GRAMD1B: variants seen among roughly 807,000 people sequenced by gnomAD.
GRAMD1B encodes protein Aster-B.
Under a neutral mutation model 99.7 loss-of-function variants are expected in GRAMD1B, and 37 were observed. The ratio of observed to expected loss-of-function variants is 0.37; its 90% CI spans 0.29 to 0.49. The LOEUF (loss-of-function observed/expected upper bound fraction) is 0.49, where lower values mean the gene tolerates loss of function less well. GRAMD1B is among the 20% of genes least tolerant of loss of function. GRAMD1B has a pLI of 0.98. For synonymous variants in GRAMD1B, 427 were observed against 387.6 expected (o/e 1.10, Z -1.19); for missense variants, 888 against 1,009.2 (o/e 0.88, Z 1.63).
At chr11:123,565,181 T>C (rs1197027641) in intron 2 of GRAMD1B, among the ~76,000 whole-genome samples, 1 of 151,038 alleles carries the variant, frequency 6.6e-6, no homozygotes, top group African/African-American at 2.4e-5. Context: ...TACAGGCATC[T>C]GCCAGCACGC....
At chr11:123,397,190 G>A (rs778412950) in intron 1 of GRAMD1B, among the ~76,000 whole-genome samples, 55 of 152,236 alleles carry the variant, frequency 3.6e-4, no homozygotes, top group South Asian at 6.2e-4. Context: ...GATCACCTGA[G>A]GTCAGGAGTT....
chr11:123,524,762 A>C (rs4936822), intron 2 of GRAMD1B, among the ~76,000 whole-genome samples: 1 of 152,170 alleles, frequency 6.6e-6, no homozygotes. Context: ...ATTATGGTTC[A>C]ACTGTTTTGG....
In GRAMD1B at chr11:123,433,174, C is replaced by T. The variant is rs373342582; in HGVS notation, c.374+2008C>T. 4.6e-5 allele frequency among the ~76,000 whole-genome samples: 7 copies of T among 151,934 alleles called. No individual in the cohort carries two copies. In the East Asian group the frequency reaches 7.8e-4, roughly 17 times the overall value. Reference sequence around the variant, plus strand: ...GGAGGGTCACCTGAGGTCAGGAGTTCGAGACCAGCTTGGCCAACATGGTGA... The same window carrying T: ...GGAGGGTCACCTGAGGTCAGGAGTTTGAGACCAGCTTGGCCAACATGGTGA... On this transcript the variant is annotated intron_variant, in intron 1 of 19. Coordinates refer to ENST00000635736, the MANE Select transcript of GRAMD1B (RefSeq NM_001387025.1).
At chr11:123,538,684 A>G (rs1464428846) in intron 2 of GRAMD1B, among the ~76,000 whole-genome samples, 2 of 151,826 alleles carry the variant, frequency 1.3e-5, no homozygotes, top group Non-Finnish European at 1.5e-5. Flanking sequence ...CAGTGGCTCA[A>G]TCTGGGCTCA....
chr11:123,508,001 T>C (rs1172697616), intron 2 of GRAMD1B, among the ~76,000 whole-genome samples: 1 of 152,222 alleles, frequency 6.6e-6, no homozygotes, highest in East Asian at 1.9e-4. Context: ...TTAAAGTCTC[T>C]GAATCTCAGT....
At chr11:123,571,463 T>G (rs1948079915) in intron 2 of GRAMD1B, among the ~76,000 whole-genome samples, 2 of 152,100 alleles carry the variant, frequency 1.3e-5, no homozygotes, top group South Asian at 2.1e-4. Context: ...TAGACCTAAC[T>G]ATAGGAGGTA....
intron 2 of GRAMD1B, among the ~76,000 whole-genome samples, chr11:123,511,437 G>C (rs186134795): frequency 5.1e-4 from 77 of 152,176 alleles, no homozygotes; most frequent in African/African-American, 1.7e-3. Context: ...GCGCTCCTGA[G>C]ATAGCTTTCA....
At chr11:123,434,630 A>G (rs1190688637) in intron 1 of GRAMD1B, among the ~76,000 whole-genome samples, 1 of 152,174 alleles carries the variant, frequency 6.6e-6, no homozygotes, top group Admixed American at 6.5e-5. Flanking sequence ...GCTACTAAAA[A>G]TACAAAAATT....
chr11:123,430,798 G>A lies in GRAMD1B; in HGVS notation c.6G>A (p.Pro2=), dbSNP rs1282294132. Residue 2 remains proline (P), a synonymous_variant, in exon 1 of 20, where the codon CCG becomes CCA. Transcript: ENST00000635736. ...GCGCAGAGGCGACGGCCCCCATGCC[G>A]GCGGCCAACATGATGGAGAACCGGC... M[P]AANMMENRPL... The A allele has an allele frequency of 2.9e-6, 2 of 680,168 alleles. No homozygotes were observed. Among genetic ancestry groups the A allele is most frequent in the Admixed American group, 2.1e-5 (1 of 47,192 alleles). 42.1% of individuals were successfully genotyped at this position (680,168 alleles called of 1,614,324 possible).
intron 2 of GRAMD1B, among the ~76,000 whole-genome samples, chr11:123,496,800 A>G (rs534301309): frequency 3.3e-5 from 5 of 152,086 alleles, no homozygotes; most frequent in South Asian, 4.2e-4. Context: ...TGCTTAATTC[A>G]TTTTAATAAT....
In GRAMD1B at chr11:123,367,076, G is replaced by A. The variant is rs904382303; in HGVS notation, c.-176+8277G>A. Among the ~76,000 whole-genome samples the A allele has an allele frequency of 5.9e-5, 9 of 152,100 alleles. No individual in the cohort carries two copies. In the South Asian group the frequency reaches 1.0e-3, roughly 18 times the overall value. ...AACTTAGCCAGGCATGATGGCATGC[G>A]TCTGTAGTCGTAGCTACTTGGGAGG... On this transcript the variant is annotated intron_variant, in intron 1 of 20. Coordinates refer to the GRAMD1B transcript ENST00000638157.
In GRAMD1B at chr11:123,611,146, C is replaced by T. The variant is rs1186497693; in HGVS notation, c.1919+808C>T. On this transcript the variant is annotated intron_variant, in intron 14 of 19. Transcript: ENST00000635736. ...GAGATCTCTTGGGCTTCAAGAAGTG[C>T]GCATCAAGAGGGACCTTTGTGCTTC... is the stretch of plus-strand genomic sequence containing the variant. Among the ~76,000 whole-genome samples, 4 of 152,110 alleles carry T rather than the reference C, an allele frequency of 2.6e-5. No homozygotes were observed. The East Asian group carries it at 5.8e-4, about 22-fold the overall frequency.
At chr11:123,614,220 G>C (rs1160605563) in intron 16 of GRAMD1B, among the ~76,000 whole-genome samples, 2 of 152,208 alleles carry the variant, frequency 1.3e-5, no homozygotes, top group Non-Finnish European at 2.9e-5. Flanking sequence ...TATGGACAGG[G>C]GAGGCAGAAG....
intron 1 of GRAMD1B, among the ~76,000 whole-genome samples, chr11:123,394,656 A>G (rs914229724): frequency 6.6e-6 from 1 of 152,200 alleles, no homozygotes; most frequent in Non-Finnish European, 1.5e-5. Context: ...TTTTTCTGGT[A>G]GTTATTTATG....
At position 123,368,258 on chromosome 11, in the gene GRAMD1B, C is replaced by CAAA. The variant is rs1024340450; in HGVS notation, c.-176+9477_-176+9479dup. 9.1e-5 allele frequency among the ~76,000 whole-genome samples: 8 copies of CAAA among 88,310 alleles called. No individual in the cohort carries two copies. The East Asian group carries it at 1.5e-3, about 17-fold the overall frequency. 57.9% of individuals were successfully genotyped at this position (88,310 alleles called of 152,430 possible). A position where few individuals can be genotyped will look rare whatever the true frequency, so the allele number is the denominator to read the frequency against. ...GACAGTGCGAAACTACATCTTAAAACAAAAAAAAAAAAAAAAAAAAGAAAG... is the reference window on the plus strand; with the variant it reads ...GACAGTGCGAAACTACATCTTAAAACAAAAAAAAAAAAAAAAAAAAAAAGAAAG... On this transcript the variant is annotated intron_variant, in intron 1 of 20. Transcript: ENST00000638157.
chr11:123,439,765 A>G (rs1040595749), intron 1 of GRAMD1B, among the ~76,000 whole-genome samples: 2 of 152,170 alleles, frequency 1.3e-5, no homozygotes, highest in African/African-American at 4.8e-5. Context: ...TCTCTGCAGC[A>G]GCCTCATTCT....
rs141364021 is a variant in GRAMD1B, at chr11:123,401,544, G to A, written c.-176+42745G>A. Among the ~76,000 whole-genome samples the A allele has an allele frequency of 2.3e-3, 348 of 152,334 alleles. 1 individual carries two copies. The highest frequency in any genetic ancestry group is 8.2e-3 in the African/African-American group (340 of 41,576). ...GTGACTGATGGAAACAGCAAGTGTT[G>A]CTGTAAGAGGCTCCTCCATCTGGAG... is the stretch of plus-strand genomic sequence containing the variant. On this transcript the variant is annotated intron_variant, in intron 1 of 20. Coordinates refer to the GRAMD1B transcript ENST00000638157.
intron 1 of GRAMD1B, among the ~76,000 whole-genome samples, chr11:123,480,281 G>A (rs1379825400): frequency 6.6e-6 from 1 of 152,112 alleles, no homozygotes; most frequent in Non-Finnish European, 1.5e-5. Flanking sequence ...AGCAGACTAA[G>A]TGACCCCAGA....
At chr11:123,418,770 G>A (rs963421297) in intron 1 of GRAMD1B, among the ~76,000 whole-genome samples, 1 of 152,160 alleles carries the variant, frequency 6.6e-6, no homozygotes, top group Non-Finnish European at 1.5e-5. Flanking sequence ...AGACTTCCAG[G>A]CTGGGAAATA....
Sources: gnomAD v4.1 joint callset for allele counts (sites outside exome capture counted in the v4.1 genomes callset) on GRCh38, gnomAD v4.1.1 for gene constraint, MANE v1.5 for transcripts, NCBI Gene and HGNC (gene_info 2026-07-23, HGNC 2026-07-21) for gene names.